Variants in EYS observed in about 807,000 individuals in gnomAD.
The protein encoded by EYS is EGF-like photoreceptor maintenance factor.
Under a neutral mutation model 282.1 loss-of-function variants are expected in EYS, and 250 were observed. The observed-to-expected ratio is 0.89, with a 90% CI of 0.80 to 0.98. The LOEUF is 0.98. Among genes scored for constraint, EYS ranks in the 50% least tolerant of loss-of-function variants. The pLI is 0.00. For missense variants in EYS, 4,016 were observed against 3,709.0 expected, an observed-to-expected ratio of 1.08 and a Z score of -2.15; for synonymous variants, 1,355 against 1,282.9, an observed-to-expected ratio of 1.06 and a Z score of -1.20.
intron 5 of EYS, among the ~76,000 whole-genome samples, chr6:65,472,893 A>ATCC (rs1326331055): frequency 6.6e-6 from 1 of 151,594 alleles, no homozygotes; most frequent in African/African-American, 2.4e-5. Flanking sequence ...TATTTGGTAT[A>ATCC]TCCTCTCTTG....
intron 15 of EYS, among the ~76,000 whole-genome samples, chr6:64,942,219 A>AT (rs1479372518): frequency 6.7e-6 from 1 of 149,398 alleles, no homozygotes; most frequent in Non-Finnish European, 1.5e-5. Context: ...GATGTTGAGC[A>AT]TTTTTTTCAT....
chr6:64,320,700 C>CTGAG (rs1259949143), intron 29 of EYS, among the ~76,000 whole-genome samples: 1 of 12,586 alleles, frequency 7.9e-5, no homozygotes, highest in African/African-American at 5.9e-4. Context: ...CATTTTTATC[C>CTGAG]TATTGGCCAC....
chr6:65,637,306 G>GA (rs1459503723), intron 2 of EYS, among the ~76,000 whole-genome samples: 1 of 152,086 alleles, frequency 6.6e-6, no homozygotes, highest in Non-Finnish European at 1.5e-5. Context: ...CAGAAAAAAG[G>GA]AAAAAACTCA....
Position 63,889,867 on chromosome 6 carries a change from CAG to C in EYS, c.7056-25511_7056-25510del, listed in dbSNP as rs370610722. On this transcript the variant is annotated intron_variant, in intron 35 of 42. Transcript: ENST00000503581. Reference sequence around the variant, plus strand: ...TCAAGACTTCTCAGTCTGCTGTATTCAGGAGACCCATCTCACGTACAAAGTCA... The same window carrying C: ...TCAAGACTTCTCAGTCTGCTGTATTCGAGACCCATCTCACGTACAAAGTCA... 7.5e-4 allele frequency among the ~76,000 whole-genome samples: 114 copies of C among 152,062 alleles called. 1 individual carries two copies. In the East Asian group the frequency reaches 0.019, roughly 26 times the overall value.
rs191345700 is a variant in EYS, at chr6:64,784,577, A to G, written c.3443+28801T>C. Among the ~76,000 whole-genome samples, 99 of 152,268 alleles carry G rather than the reference A, an allele frequency of 6.5e-4. 3 individuals carry two copies. The East Asian group carries it at 0.017, about 26-fold the overall frequency. ...TCTGAACCAGAAGAGAGCCTGGCAC[A>G]TCATAAACCTCAATAATTACTTGTT... On this transcript the variant is annotated intron_variant, in intron 22 of 42. Transcript: ENST00000503581.
chr6:64,056,938 A>G (rs2149848125), intron 33 of EYS, among the ~76,000 whole-genome samples: 1 of 152,314 alleles, frequency 6.6e-6, no homozygotes, highest in South Asian at 2.1e-4. Context: ...TTTGAAGGGC[A>G]GGATGGAGTT....
chr6:64,912,728 A>G lies in EYS; in HGVS notation c.2397T>C (p.Ser799=). The change falls in exon 16 of 43, where the codon TCT becomes TCC. Residue 799 remains serine, a synonymous_variant. Transcript: ENST00000503581. ...LYKSYRCECT[S]GWTGQNCSEE... The stretch of plus-strand genomic sequence containing the variant: ...CACTACAGTTCTGTCCAGTCCATCC[A>G]GATGTACACTCACATCTGAAATAAA... The G allele has an allele frequency of 7.2e-7, 1 of 1,387,618 alleles. No homozygotes were observed. Among genetic ancestry groups the G allele is most frequent in the Non-Finnish European group, 9.4e-7 (1 of 1,062,134 alleles). 86.0% of individuals were successfully genotyped at this position (1,387,618 alleles called of 1,614,324 possible). A position where few individuals can be genotyped will look rare whatever the true frequency, so the allele number is the denominator to read the frequency against.
Position 64,447,984 on chromosome 6 carries a change from A to C in EYS, c.5645-8632T>G, listed in dbSNP as rs571942038. 1.8e-4 allele frequency among the ~76,000 whole-genome samples: 27 copies of C among 152,344 alleles called. No homozygotes were observed. In the South Asian group the frequency reaches 4.6e-3, roughly 26 times the overall value. Reference sequence around the variant, plus strand: ...TCAAATCATGCCACTTCCCTGATTAAAAACATAAGTGCCGGACAGTGGGTG... The same window carrying C: ...TCAAATCATGCCACTTCCCTGATTACAAACATAAGTGCCGGACAGTGGGTG... On this transcript the variant is annotated intron_variant, in intron 26 of 42. Transcript: ENST00000503581.
chr6:65,440,261 A>G lies in EYS; in HGVS notation c.863-34894T>C, dbSNP rs143337565. On this transcript the variant is annotated intron_variant, in intron 5 of 42. Transcript: ENST00000503581. ...GCTCACTGGACAGGGCCTTCTATGC[A>G]TAAATAGTTCCAAGATGAACAGGAG... 7.3e-3 allele frequency among the ~76,000 whole-genome samples: 1,115 copies of G among 152,148 alleles called. 17 individuals carry two copies. The highest frequency in any genetic ancestry group is 0.039 in the South Asian group (189 of 4,824).
intron 28 of EYS, among the ~76,000 whole-genome samples, chr6:64,398,667 C>T (rs951371356): frequency 7.3e-5 from 11 of 151,656 alleles, no homozygotes; most frequent in African/African-American, 2.2e-4. Flanking sequence ...ATGTATGCAC[C>T]TTTTTTCTTC....
intron 35 of EYS, among the ~76,000 whole-genome samples, chr6:63,953,422 A>G (rs1582023028): frequency 6.6e-6 from 1 of 152,188 alleles, no homozygotes. Context: ...TCAGAAGGAT[A>G]TCGTGTATCC....
chr6:64,570,642 G>T (rs1412660903), intron 26 of EYS, among the ~76,000 whole-genome samples: 2 of 152,052 alleles, frequency 1.3e-5, no homozygotes, highest in Non-Finnish European at 2.9e-5. Context: ...CCTAATCTCT[G>T]ATAAAATAGA....
At chr6:64,142,921 C>A (rs975502311) in intron 31 of EYS, among the ~76,000 whole-genome samples, 1 of 152,000 alleles carries the variant, frequency 6.6e-6, no homozygotes, top group Admixed American at 6.6e-5. Context: ...GTATTCACTC[C>A]AGTGATCAAT....
intron 27 of EYS, 29 bp downstream of exon 27, chr6:64,439,133 T>A (rs1311682032): frequency 1.4e-5 from 18 of 1,280,606 alleles, no homozygotes; most frequent in South Asian, 6.7e-5. Context: ...TTGTAATTTT[T>A]AAAAAATTAA....
chr6:64,413,525 AAACAACAACAAC>A (rs140486442), intron 28 of EYS, among the ~76,000 whole-genome samples: 3,485 of 146,276 alleles, frequency 0.024, 149 homozygotes, highest in African/African-American at 0.081. Context: ...ATTCTTGTCC[AAACAACAACAAC>A]AACAACAACA....
chr6:64,679,096 C>T (rs1769806686), intron 22 of EYS, among the ~76,000 whole-genome samples: 1 of 151,894 alleles, frequency 6.6e-6, no homozygotes, highest in African/African-American at 2.4e-5. Flanking sequence ...TAAAAAGTTA[C>T]ACTTTCATTT....
At chr6:63,739,222 A>G (rs1455472916) in intron 41 of EYS, among the ~76,000 whole-genome samples, 1 of 151,944 alleles carries the variant, frequency 6.6e-6, no homozygotes, top group African/African-American at 2.4e-5. Flanking sequence ...GTCTCAGGTT[A>G]TTTTTCTAGA....
intron 35 of EYS, among the ~76,000 whole-genome samples, chr6:63,947,418 T>C (rs932439296): frequency 4.6e-5 from 7 of 152,074 alleles, no homozygotes; most frequent in African/African-American, 1.7e-4. Context: ...AATTATTTTA[T>C]ATTATTACTC....
intron 28 of EYS, among the ~76,000 whole-genome samples, chr6:64,434,277 T>C (rs1213017432): frequency 1.3e-5 from 2 of 152,080 alleles, no homozygotes; most frequent in African/African-American, 4.8e-5. Flanking sequence ...AATTGTGAGA[T>C]TAAATTGCCT....
Sources: gnomAD v4.1 joint callset for allele counts (sites outside exome capture counted in the v4.1 genomes callset) on GRCh38, gnomAD v4.1.1 for gene constraint, MANE v1.5 for transcripts, NCBI Gene and HGNC (gene_info 2026-07-23, HGNC 2026-07-21) for gene names.